Variants in CNTN4 observed in about 807,000 individuals in gnomAD.
The protein encoded by CNTN4 is contactin-4.
In CNTN4, 77 loss-of-function variants were observed where a neutral mutation model predicts 122.5. The ratio of observed to expected loss-of-function variants is 0.63; its 90% confidence interval spans 0.52 to 0.76. The LOEUF is 0.76. CNTN4 is among the 30% of genes least tolerant of loss of function. CNTN4 has a pLI of 0.00. For missense variants in CNTN4, 1,256 were observed against 1,259.1 expected (o/e 1.00, Z 0.04); for synonymous variants, 512 against 447.0 (o/e 1.15, Z -1.83).
intron 4 of CNTN4, among the ~76,000 whole-genome samples, chr3:2,624,894 G>C (rs2082125704): frequency 6.6e-6 from 1 of 151,712 alleles, no homozygotes; most frequent in Admixed American, 6.6e-5. Context: ...CGGCCTCCTA[G>C]AGTGCTGGGA....
chr3:2,119,364 C>T (rs1374600229), intron 2 of CNTN4, among the ~76,000 whole-genome samples: 1 of 152,208 alleles, frequency 6.6e-6, no homozygotes, highest in East Asian at 1.9e-4. Context: ...CTGACTACTA[C>T]ACCAATATTC....
chr3:2,546,880 G>A (rs771876608), intron 3 of CNTN4, among the ~76,000 whole-genome samples: 25 of 152,190 alleles, frequency 1.6e-4, no homozygotes, highest in Middle Eastern at 6.8e-3. Context: ...ATTTCATTCC[G>A]AGCGGATGTT....
At chr3:2,274,218 A>G (rs1234872991) in intron 2 of CNTN4, among the ~76,000 whole-genome samples, 1 of 152,080 alleles carries the variant, frequency 6.6e-6, no homozygotes, top group Non-Finnish European at 1.5e-5. Context: ...ACCTGTCTCT[A>G]CTAAAAATAA....
chr3:2,995,368 A>G (rs1695441366), intron 14 of CNTN4, among the ~76,000 whole-genome samples: 1 of 152,240 alleles, frequency 6.6e-6, no homozygotes, highest in South Asian at 2.1e-4. Context: ...GGCGATATCA[A>G]TCATGAGTAG....
chr3:2,883,293 C>A, intron 9 of CNTN4, 46 bp downstream of exon 9: 2 of 1,423,272 alleles, frequency 1.4e-6, no homozygotes, highest in Non-Finnish European at 2.0e-6. Context: ...TCAGCTTGAG[C>A]AGGTATAGAG....
intron 6 of CNTN4, among the ~76,000 whole-genome samples, chr3:2,816,331 G>A (rs58664731): frequency 0.63 from 92,990 of 146,986 alleles, 30,455 homozygotes; most frequent in South Asian, 0.71. Context: ...TCCAGCCTGG[G>A]CGACAGAGCG....
chr3:2,392,834 C>T (rs184039233), intron 3 of CNTN4, among the ~76,000 whole-genome samples: 1 of 152,238 alleles, frequency 6.6e-6, no homozygotes, highest in East Asian at 1.9e-4. Context: ...CAAAGTACCA[C>T]AAACTGGGTG....
chr3:2,920,675 G>A (rs1317993010), intron 12 of CNTN4, among the ~76,000 whole-genome samples: 3 of 152,166 alleles, frequency 2.0e-5, no homozygotes, highest in Non-Finnish European at 4.4e-5. Context: ...TGCAGTAGTG[G>A]AAATAGCAGT....
At chr3:2,834,285 C>T (rs1000301649) in intron 7 of CNTN4, among the ~76,000 whole-genome samples, 3 of 152,062 alleles carry the variant, frequency 2.0e-5, no homozygotes, top group African/African-American at 7.2e-5. Flanking sequence ...GAAGTTGTGG[C>T]CAGGCATAGT....
At chr3:2,252,243 A>G (rs757680010) in intron 2 of CNTN4, among the ~76,000 whole-genome samples, 8 of 152,002 alleles carry the variant, frequency 5.3e-5, no homozygotes, top group Admixed American at 1.3e-4. Context: ...GTTTTTTATT[A>G]TAATGTATTA....
intron 3 of CNTN4, among the ~76,000 whole-genome samples, chr3:2,528,885 A>C (rs2077495111): frequency 6.6e-6 from 1 of 152,074 alleles, no homozygotes; most frequent in Non-Finnish European, 1.5e-5. Context: ...TGCATCCAAT[A>C]TATAGTGATT....
chr3:2,993,817 G>A (rs1695274675), intron 14 of CNTN4, among the ~76,000 whole-genome samples: 1 of 152,144 alleles, frequency 6.6e-6, no homozygotes, highest in South Asian at 2.1e-4. Flanking sequence ...TTGCATGCTG[G>A]AAATTTCCAC....
intron 13 of CNTN4, among the ~76,000 whole-genome samples, chr3:2,945,979 G>C (rs1251400376): frequency 6.6e-6 from 1 of 152,208 alleles, no homozygotes; most frequent in Non-Finnish European, 1.5e-5. Context: ...GTCATATTAG[G>C]TAAGAGTAGG....
intron 2 of CNTN4, among the ~76,000 whole-genome samples, chr3:2,338,916 C>G (rs1339142557): frequency 6.6e-6 from 1 of 152,122 alleles, no homozygotes; most frequent in South Asian, 2.1e-4. Context: ...ATCATACTAA[C>G]AAGGGAAAGA....
At chr3:2,774,271 C>G (rs533826329) in intron 6 of CNTN4, among the ~76,000 whole-genome samples, 1 of 151,610 alleles carries the variant, frequency 6.6e-6, no homozygotes, top group African/African-American at 2.4e-5. Context: ...AAAACAAAAA[C>G]AAAAACAAAA....
At position 2,571,472 on chromosome 3, in the gene CNTN4, C is replaced by G. The variant is rs1559250907; in HGVS notation, c.-32C>G. 5 of 1,564,870 alleles carry G rather than the reference C, an allele frequency of 3.2e-6. No homozygotes were observed. The highest frequency in any genetic ancestry group is 2.2e-5 in the South Asian group (2 of 90,068). On this transcript the variant is annotated 5_prime_UTR_variant, in exon 4 of 25. Transcript: ENST00000418658. Reference sequence around the variant, plus strand: ...GCAATTCTATTCGCTTGTTATTGGACTTGAAACTCCCTTTGACCTCGGAAA... The same window carrying G: ...GCAATTCTATTCGCTTGTTATTGGAGTTGAAACTCCCTTTGACCTCGGAAA...
At chr3:3,042,458 A>T in intron 21 of CNTN4, 36 bp downstream of exon 21, 1 of 1,337,376 alleles carries the variant, frequency 7.5e-7, no homozygotes, top group South Asian at 1.2e-5. Flanking sequence ...TCTGAAAGAG[A>T]GTCTATGCCC....
Position 2,887,147 on chromosome 3 carries a change from A to C in CNTN4, c.863A>C (p.Glu288Ala), listed in dbSNP as rs753322265. 1.2e-6 allele frequency: 2 copies of C among 1,614,150 alleles called. No individual in the cohort carries two copies. The highest frequency in any genetic ancestry group is 1.3e-5 in the African/African-American group (1 of 75,072). Residue 288 changes from glutamate to alanine, a missense_variant, in exon 10 of 25, where the codon GAG becomes GCG. Transcript: ENST00000418658. ...CTTGAGATCCCTAATTTTCAGCAGG[A>C]GGATGCTGGTTTATATGAATGTGTA... ...GILEIPNFQQ[E>A]DAGLYECVAE...
intron 3 of CNTN4, among the ~76,000 whole-genome samples, chr3:2,446,179 G>T (rs1470878281): frequency 6.6e-6 from 1 of 152,164 alleles, no homozygotes; most frequent in Admixed American, 6.5e-5. Context: ...CCCTAGGGAA[G>T]GGCAGCATTA....
Sources: gnomAD v4.1 joint callset for allele counts (sites outside exome capture counted in the v4.1 genomes callset) on GRCh38, gnomAD v4.1.1 for gene constraint, MANE v1.5 for transcripts, NCBI Gene and HGNC (gene_info 2026-07-23, HGNC 2026-07-21) for gene names.